CDK6: variants seen among roughly 807,000 people sequenced by gnomAD.
CDK6 encodes the protein cyclin dependent kinase 6, also known as cyclin-dependent kinase 6.
Under a neutral mutation model 37.1 loss-of-function variants are expected in CDK6, and 6 were observed. The ratio of observed to expected loss-of-function variants is 0.16; its 90% confidence interval spans 0.09 to 0.32. The LOEUF (loss-of-function observed/expected upper bound fraction) is 0.32. CDK6 is among the 10% of genes least tolerant of loss of function. The probability of loss-of-function intolerance (pLI) is 1.00; values close to 1 mark genes in which losing one functional copy is unlikely to be tolerated. For synonymous variants in CDK6, 160 were observed against 161.3 expected (o/e 0.99, Z 0.06); for missense variants, 224 against 418.9 (o/e 0.53, Z 4.06).
At chr7:92,676,009 TA>T (rs1212654926) in intron 4 of CDK6, among the ~76,000 whole-genome samples, 2 of 152,020 alleles carry the variant, frequency 1.3e-5, no homozygotes, top group South Asian at 2.1e-4. Flanking sequence ...ATTATTTATA[TA>T]AAAAAACTGA....
chr7:92,659,481 T>C (rs1489115849), intron 5 of CDK6, among the ~76,000 whole-genome samples: 2 of 152,120 alleles, frequency 1.3e-5, no homozygotes, highest in African/African-American at 4.8e-5. Flanking sequence ...TACTAGAAAA[T>C]TCAAAAATAC....
chr7:92,672,166 T>TACACACACAC (rs1434883987), intron 4 of CDK6, among the ~76,000 whole-genome samples: 65 of 38,664 alleles, frequency 1.7e-3, no homozygotes, highest in Non-Finnish European at 2.4e-3. Context: ...TATATACACA[T>TACACACACAC]ACACACACAC....
rs1335701769 is a variant in CDK6 at position 92,834,607 on chromosome 7, C to T, written c.-367-917G>A. 2.0e-5 allele frequency among the ~76,000 whole-genome samples: 3 copies of T among 149,536 alleles called. No individual in the cohort carries two copies. Among genetic ancestry groups the T allele is most frequent in the East Asian group, 4.0e-4 (2 of 5,004 alleles). The stretch of plus-strand genomic sequence containing the variant: ...AAGAATAACTTCAGGAAGGGGATAG[C>T]ATAATCGCGCCTCGTCCTTAAGTTT... On this transcript the variant is annotated intron_variant, in intron 1 of 7. Transcript: ENST00000424848. This position sits in a 1 kb window ranked among gnomAD's most constrained non-coding sequence, Gnocchi z 4.6.
At chr7:92,663,217 G>C (rs1459201991) in intron 5 of CDK6, among the ~76,000 whole-genome samples, 1 of 152,144 alleles carries the variant, frequency 6.6e-6, no homozygotes, top group Non-Finnish European at 1.5e-5. Flanking sequence ...AGACTAAGCA[G>C]ATAAAATCTG....
chr7:92,688,242 T>C (rs1254953786), intron 4 of CDK6, among the ~76,000 whole-genome samples: 1 of 152,156 alleles, frequency 6.6e-6, no homozygotes, highest in Non-Finnish European at 1.5e-5. Flanking sequence ...TTTCTCCGCA[T>C]CTTGGCCAAC....
At position 92,835,364 on chromosome 7, in the gene CDK6, G is replaced by GC. The variant is rs1361038015; in HGVS notation, c.-368+1113dup. 1.3e-5 allele frequency: 2 copies of GC among 149,330 alleles called. No individual in the cohort carries two copies. The highest frequency in any genetic ancestry group is 2.9e-5 in the Non-Finnish European group (2 of 67,834). The allele number at this position is 149,330 out of a possible 1,614,324, so 9.3% of individuals were successfully genotyped here. ...ACCCCCGCAGGGAACTGCGCCTGCT[G>GC]CCCCCGCCGGGCCCCGCACTGCCCT... On this transcript the variant is annotated intron_variant, in intron 1 of 7. Transcript: ENST00000424848. The surrounding 1 kb of genome is among the most constrained non-coding windows in gnomAD (Gnocchi z 4.2).
At chr7:92,775,873 A>G (rs1203840289) in intron 2 of CDK6, among the ~76,000 whole-genome samples, 2 of 152,364 alleles carry the variant, frequency 1.3e-5, no homozygotes, top group East Asian at 3.9e-4. Context: ...ACTGATGCAC[A>G]GGGTTGACTA....
At chr7:92,773,444 A>G (rs1187723154) in intron 3 of CDK6, among the ~76,000 whole-genome samples, 2 of 152,184 alleles carry the variant, frequency 1.3e-5, no homozygotes, top group South Asian at 2.1e-4. Context: ...AGAAAACTGT[A>G]TAAGAAAAAG....
chr7:92,835,965 T>A lies in CDK6; in HGVS notation c.-368+513A>T, dbSNP rs1436744145. ...GCCCGCAGGAAGCCTGCGTTAACAT[T>A]TATCTCGTGGAGGGGAAGGTGGAGC... is the stretch of plus-strand genomic sequence containing the variant. On this transcript the variant is annotated intron_variant, in intron 1 of 7. Transcript: ENST00000424848. The surrounding 1 kb of genome is among the most constrained non-coding windows in gnomAD (Gnocchi z 4.2). Among the ~76,000 whole-genome samples the A allele has an allele frequency of 6.6e-6, 1 of 152,176 alleles. No individual in the cohort carries two copies. The highest frequency in any genetic ancestry group is 1.5e-5 in the Non-Finnish European group (1 of 68,034).
chr7:92,724,264 T>C (rs2116706034), intron 4 of CDK6, among the ~76,000 whole-genome samples: 1 of 152,338 alleles, frequency 6.6e-6, no homozygotes, highest in South Asian at 2.1e-4. Context: ...TGCTCAAAGC[T>C]GAGGCCTATC....
intron 4 of CDK6, among the ~76,000 whole-genome samples, chr7:92,678,845 G>C (rs140827583): frequency 8.5e-5 from 13 of 152,318 alleles, no homozygotes; most frequent in African/African-American, 3.1e-4. Context: ...GGAATTCAGA[G>C]AGAAGGAGAA....
At chr7:92,710,206 T>C (rs547518346) in intron 4 of CDK6, among the ~76,000 whole-genome samples, 3 of 152,284 alleles carry the variant, frequency 2.0e-5, no homozygotes, top group Non-Finnish European at 2.9e-5. Flanking sequence ...TACAGACTGA[T>C]TGGTCAATGG....
In CDK6 at chr7:92,605,741, C is replaced by T. The variant is rs1795412299; in HGVS notation, c.*9399G>A. 1 of 233,148 alleles carries T rather than the reference C, an allele frequency of 4.3e-6. No individual in the cohort carries two copies. The highest frequency in any genetic ancestry group is 5.6e-5 in the Admixed American group (1 of 17,786). 14.4% of individuals were successfully genotyped at this position (233,148 alleles called of 1,614,324 possible). On this transcript the variant is annotated 3_prime_UTR_variant, in exon 8 of 8. Coordinates refer to ENST00000424848, the MANE Select transcript of CDK6 (RefSeq NM_001145306.2). ...GCTAGAGTGAGACAGCCCTTCCCCTCTTGCTATGTCTATACCATACCTGAG... is the reference window on the plus strand; with the variant it reads ...GCTAGAGTGAGACAGCCCTTCCCCTTTTGCTATGTCTATACCATACCTGAG...
rs374943893 is a variant in CDK6, at chr7:92,693,719, G to GA, written c.538-22185dup. ...CAGTCATAAAAGCAGTTAGTGCTAT[G>GA]AATTAGCCTCTGTGAATAGCTTTGG... On this transcript the variant is annotated intron_variant, in intron 4 of 7. Coordinates refer to ENST00000424848, the MANE Select transcript of CDK6 (RefSeq NM_001145306.2). Among the ~76,000 whole-genome samples, 19 of 152,288 alleles carry GA rather than the reference G, an allele frequency of 1.2e-4. No individual in the cohort carries two copies. The East Asian group carries it at 3.7e-3, about 29-fold the overall frequency.
In CDK6 at chr7:92,611,196, C is replaced by T. The variant is rs1455079844; in HGVS notation, c.*3944G>A. 1 of 226,644 alleles carries T rather than the reference C, an allele frequency of 4.4e-6. No individual in the cohort carries two copies. The highest frequency in any genetic ancestry group is 2.2e-5 in the African/African-American group (1 of 44,968). The allele number at this position is 226,644 out of a possible 1,614,324, so 14.0% of individuals were successfully genotyped here. On this transcript the variant is annotated 3_prime_UTR_variant, in exon 8 of 8. Transcript: ENST00000424848. ...AATTTTTAAAGCCTTAGAAATCATACATCTTTATCTGTCACAATGTGAAAC... is the reference window on the plus strand; with the variant it reads ...AATTTTTAAAGCCTTAGAAATCATATATCTTTATCTGTCACAATGTGAAAC...
At chr7:92,800,986 C>T (rs1362085063) in intron 2 of CDK6, among the ~76,000 whole-genome samples, 1 of 152,140 alleles carries the variant, frequency 6.6e-6, no homozygotes, top group Middle Eastern at 3.2e-3. Flanking sequence ...GTCCAATATC[C>T]AGTAACTTCC....
At position 92,610,195 on chromosome 7, in the gene CDK6, ATCAACT is replaced by A; in HGVS notation, c.*4939_*4944del. On this transcript the variant is annotated 3_prime_UTR_variant, in exon 8 of 8. Transcript: ENST00000424848. ...AAAAGTCACCTTCCTTTCCTACCAC[ATCAACT>A]TCAAATTGCTGTAACAGTATTTCAG... The A allele has an allele frequency of 4.3e-6, 1 of 232,122 alleles. No homozygotes were observed. The allele number at this position is 232,122 out of a possible 1,614,324, so 14.4% of individuals were successfully genotyped here. A position where few individuals can be genotyped will look rare whatever the true frequency, so the allele number is the denominator to read the frequency against.
chr7:92,803,227 A>G (rs1800635223), intron 2 of CDK6, among the ~76,000 whole-genome samples: 1 of 152,216 alleles, frequency 6.6e-6, no homozygotes, highest in South Asian at 2.1e-4. Flanking sequence ...TGAACCTTCA[A>G]TAAGTCACAG....
At chr7:92,632,933 CTTTTTTTTTTTTTTT>C (rs397889657) in intron 5 of CDK6, among the ~76,000 whole-genome samples, 1 of 108,898 alleles carries the variant, frequency 9.2e-6, no homozygotes, top group Non-Finnish European at 1.8e-5. Flanking sequence ...CTCTAAAGAT[CTTTTTTTTTTTTTTT>C]TTTTTTTTCC....
Sources: allele counts gnomAD v4.1 joint callset (sites outside exome capture counted in the v4.1 genomes callset), GRCh38; gene constraint gnomAD v4.1.1; non-coding constraint Gnocchi (gnomAD v3.1); transcripts MANE v1.5; gene names NCBI Gene and HGNC (gene_info 2026-07-23, HGNC 2026-07-21).